C2orf76: variants seen among roughly 807,000 people sequenced by gnomAD.
C2orf76 encodes the protein chromosome 2 open reading frame 76, also known as UPF0538 protein C2orf76.
A neutral mutation model predicts 16.9 loss-of-function variants in C2orf76; 23 were observed. The observed-to-expected ratio is 1.36, with a 90% CI of 0.98 to 1.93. The LOEUF is 1.93. Among genes scored for constraint, C2orf76 ranks in the 30% most tolerant of loss-of-function variants. The pLI is 0.00. For missense variants in C2orf76, 152 were observed against 152.6 expected (o/e 1.00, Z 0.02); for synonymous variants, 48 against 52.3 (o/e 0.92, Z 0.35).
At chr2:119,325,617 C>CA (rs936564879) in intron 2 of C2orf76, among the ~76,000 whole-genome samples, 1 of 151,860 alleles carries the variant, frequency 6.6e-6, no homozygotes, top group East Asian at 1.9e-4. Context: ...ACACTGCCTC[C>CA]AAAAAAAGGA....
intron 1 of C2orf76, among the ~76,000 whole-genome samples, chr2:119,347,991 T>A (rs1263450851): frequency 1.4e-5 from 2 of 145,088 alleles, no homozygotes; most frequent in Non-Finnish European, 3.0e-5. Flanking sequence ...GTGAGCTATG[T>A]ACTGTGCTCC....
chr2:119,301,072 T>TC (rs993009511), downstream of C2orf76, among the ~76,000 whole-genome samples: 345 of 80,090 alleles, frequency 4.3e-3, 3 homozygotes, highest in African/African-American at 0.029. Context: ...TGGTACTTCT[T>TC]AAAAACACAC....
chr2:119,322,823 T>C (rs1419905548), intron 2 of C2orf76, among the ~76,000 whole-genome samples: 3 of 135,090 alleles, frequency 2.2e-5, no homozygotes, highest in Middle Eastern at 3.7e-3. Flanking sequence ...TGAGAATTTA[T>C]GGTGGGATTT....
chr2:119,287,329 A>G, the C2orf76 span, among the ~76,000 whole-genome samples: 3 of 152,152 alleles, frequency 2.0e-5, no homozygotes, highest in African/African-American at 4.8e-5. Flanking sequence ...CAATATCCAC[A>G]TAATGGAAGT....
intron 1 of C2orf76, among the ~76,000 whole-genome samples, chr2:119,350,066 A>ACCCCCCCCC (rs1489941272): frequency 3.0e-5 from 1 of 33,802 alleles, no homozygotes; most frequent in Non-Finnish European, 5.8e-5. Context: ...CCCCGCCCAC[A>ACCCCCCCCC]CCGCCCCCCG....
intron 2 of C2orf76, chr2:119,339,072 T>G (rs752773318): frequency 7.2e-5 from 11 of 152,228 alleles, no homozygotes; most frequent in Non-Finnish European, 1.6e-4. Context: ...CTTTGTCTTG[T>G]TCTTGCAACT....
chr2:119,345,756 A>C (rs775966783), intron 1 of C2orf76, among the ~76,000 whole-genome samples: 4 of 152,186 alleles, frequency 2.6e-5, no homozygotes, highest in Non-Finnish European at 5.9e-5. Context: ...TTACAGCTAA[A>C]AAGTACTAAA....
chr2:119,317,427 T>C (rs1679206037), intron 4 of C2orf76, 39 bp downstream of exon 4: 1 of 1,461,810 alleles, frequency 6.8e-7, no homozygotes, highest in Admixed American at 2.0e-5. Flanking sequence ...CAACATTGAT[T>C]ACTTGCTATG....
chr2:119,313,149 A>G (rs1217046778), intron 4 of C2orf76, among the ~76,000 whole-genome samples: 3 of 152,182 alleles, frequency 2.0e-5, no homozygotes, highest in Non-Finnish European at 4.4e-5. Context: ...TATTTGTAGA[A>G]TACAGCTGAG....
At chr2:119,349,051 A>T (rs982289434) in intron 1 of C2orf76, among the ~76,000 whole-genome samples, 1 of 152,230 alleles carries the variant, frequency 6.6e-6, no homozygotes, top group Non-Finnish European at 1.5e-5. Context: ...CATGTTTGTA[A>T]TGTAGGTGTG....
At chr2:119,364,499 A>G (rs1170676116) in intron 1 of C2orf76, among the ~76,000 whole-genome samples, 1 of 152,212 alleles carries the variant, frequency 6.6e-6, no homozygotes, top group Non-Finnish European at 1.5e-5. Context: ...TTAATCAGAC[A>G]GAATAAATCT....
At chr2:119,315,835 A>T (rs950394351) in intron 4 of C2orf76, among the ~76,000 whole-genome samples, 2 of 152,220 alleles carry the variant, frequency 1.3e-5, no homozygotes, top group East Asian at 3.8e-4. Flanking sequence ...ATATGTCTTA[A>T]ATATAAGTAA....
downstream of C2orf76, among the ~76,000 whole-genome samples, chr2:119,299,734 T>C (rs1280049974): frequency 1.3e-5 from 2 of 152,262 alleles, no homozygotes; most frequent in East Asian, 3.8e-4. Context: ...AAAAAGGTAC[T>C]ATACATACAT....
chr2:119,301,969 T>C (rs962569583), downstream of C2orf76, among the ~76,000 whole-genome samples: 6 of 148,184 alleles, frequency 4.0e-5, no homozygotes, highest in African/African-American at 1.5e-4. Context: ...CCCTAAAATA[T>C]ACACAATTCA....
chr2:119,289,920 T>C, the C2orf76 span, among the ~76,000 whole-genome samples: 1 of 152,074 alleles, frequency 6.6e-6, no homozygotes, highest in African/African-American at 2.4e-5. Context: ...GACTGGTTTT[T>C]ATTCTGTCTG....
chr2:119,335,868 G>A (rs1679829427), intron 2 of C2orf76, among the ~76,000 whole-genome samples: 1 of 152,158 alleles, frequency 6.6e-6, no homozygotes, highest in Admixed American at 6.5e-5. Context: ...GACTGAACTG[G>A]AAGGTTGGAC....
the C2orf76 span, among the ~76,000 whole-genome samples, chr2:119,294,666 G>A: frequency 2.2e-4 from 33 of 152,202 alleles, no homozygotes; most frequent in East Asian, 5.6e-3. Context: ...AGTGAGAGGA[G>A]GGGTCTCAGA....
chr2:119,302,959 C>CA (rs1553444979), intron 5 of C2orf76, among the ~76,000 whole-genome samples: 1 of 151,806 alleles, frequency 6.6e-6, no homozygotes, highest in African/African-American at 2.4e-5. Flanking sequence ...TTTTCCCCCC[C>CA]TGAAATTAGC....
chr2:119,357,908 C>T (rs574656776), intron 1 of C2orf76, among the ~76,000 whole-genome samples: 7 of 152,116 alleles, frequency 4.6e-5, no homozygotes, highest in Non-Finnish European at 1.0e-4. Context: ...AATAAACATA[C>T]AAAACCAACT....
Sources: allele counts gnomAD v4.1 joint callset (sites outside exome capture counted in the v4.1 genomes callset), GRCh38; gene constraint gnomAD v4.1.1; transcripts MANE v1.5; gene names NCBI Gene and HGNC (gene_info 2026-07-23, HGNC 2026-07-21).